Variants in SNX4 observed in about 807,000 individuals in gnomAD.
SNX4 encodes the protein sorting nexin 4.
SNX4 carries 49 observed loss-of-function variants against 70.8 expected under a neutral mutation model. The ratio of observed to expected loss-of-function variants is 0.69; its 90% CI spans 0.55 to 0.88. SNX4 has a LOEUF of 0.88. Ranked by LOEUF, SNX4 falls within the 40% of genes least tolerant of loss-of-function variation. The pLI is 0.00. For missense variants in SNX4, 528 were observed against 544.8 expected (o/e 0.97, Z 0.31); for synonymous variants, 206 against 183.8 (o/e 1.12, Z -0.98).
intron 1 of SNX4, among the ~76,000 whole-genome samples, chr3:125,514,264 T>TAG (rs1430320316): frequency 2.0e-5 from 3 of 152,096 alleles, no homozygotes; most frequent in African/African-American, 7.2e-5. Flanking sequence ...ACTTTTAAAA[T>TAG]AACAGCAGAG....
At chr3:125,447,909 T>G in intron 13 of SNX4, 83 bp from the exon 14 acceptor site, 3 of 819,750 alleles carry the variant, frequency 3.7e-6, no homozygotes, top group Non-Finnish European at 5.8e-6. Context: ...GTACACTAAG[T>G]TTTGCTTTTT....
intron 6 of SNX4, among the ~76,000 whole-genome samples, chr3:125,482,420 G>A (rs73199106): frequency 0.038 from 5,783 of 152,088 alleles, 213 homozygotes; most frequent in East Asian, 0.12. Flanking sequence ...TAATTGCCCA[G>A]TCTGTTGATT....
intron 8 of SNX4, among the ~76,000 whole-genome samples, chr3:125,474,993 G>A (rs1277302843): frequency 6.6e-6 from 1 of 152,078 alleles, no homozygotes; most frequent in African/African-American, 2.4e-5. Flanking sequence ...GACAGTATGA[G>A]GTAGACTTCA....
chr3:125,516,008 C>T (rs1450615914), intron 1 of SNX4, among the ~76,000 whole-genome samples: 1 of 152,194 alleles, frequency 6.6e-6, no homozygotes, highest in Non-Finnish European at 1.5e-5. Context: ...TCAAACCTTA[C>T]CGACAATCTG....
chr3:125,457,372 ATGAAAAAATGTGCTGCCAT>A lies in SNX4; in HGVS notation c.945-26_945-8del. ...ATGTTTCCTGCACACAGCCCTACAG[ATGAAAAAATGTGCTGCCAT>A]TTAACTTTTCCTTTAACATGTCAAA... On this transcript the variant is annotated splice_region_variant and splice_polypyrimidine_tract_variant and intron_variant, in intron 10 of 13. Coordinates refer to ENST00000251775, the MANE Select transcript of SNX4 (RefSeq NM_003794.4). 1 of 1,604,380 alleles carries A rather than the reference ATGAAAAAATGTGCTGCCAT, an allele frequency of 6.2e-7. No homozygotes were observed.
chr3:125,515,931 TG>T (rs1935269926), intron 1 of SNX4, among the ~76,000 whole-genome samples: 1 of 152,160 alleles, frequency 6.6e-6, no homozygotes. Context: ...GCTAAAGTGA[TG>T]AATTCTGTAA....
intron 5 of SNX4, among the ~76,000 whole-genome samples, chr3:125,494,183 T>A (rs1031307735): frequency 1.3e-5 from 2 of 152,182 alleles, no homozygotes; most frequent in African/African-American, 4.8e-5. Flanking sequence ...AAGATATGAC[T>A]ATTTGGTCTC....
At chr3:125,497,418 T>C in intron 4 of SNX4, 30 bp from the exon 5 acceptor site, 1 of 1,356,264 alleles carries the variant, frequency 7.4e-7, no homozygotes, top group South Asian at 1.2e-5. Flanking sequence ...TTAGAAATCA[T>C]TATTGCAAAG....
intron 2 of SNX4, among the ~76,000 whole-genome samples, chr3:125,502,769 A>C (rs1028711431): frequency 2.0e-5 from 3 of 147,064 alleles, no homozygotes; most frequent in Non-Finnish European, 3.0e-5. Context: ...CAGGTGAATC[A>C]CTTGAACTCG....
At chr3:125,499,396 T>C (rs1308377737) in intron 2 of SNX4, among the ~76,000 whole-genome samples, 1 of 152,200 alleles carries the variant, frequency 6.6e-6, no homozygotes, top group South Asian at 2.1e-4. Flanking sequence ...AGTATTTACA[T>C]CATGCCATGC....
intron 8 of SNX4, among the ~76,000 whole-genome samples, chr3:125,473,099 G>A (rs1934214738): frequency 6.6e-6 from 1 of 152,128 alleles, no homozygotes; most frequent in Non-Finnish European, 1.5e-5. Flanking sequence ...ACTGGATGGT[G>A]TGAAGATTTC....
chr3:125,462,387 C>T (rs960257274), intron 9 of SNX4, among the ~76,000 whole-genome samples: 1 of 151,796 alleles, frequency 6.6e-6, no homozygotes, highest in Admixed American at 6.6e-5. Context: ...CCCAGGAGTT[C>T]GAGACCAGCC....
At chr3:125,502,592 C>T (rs975498049) in intron 2 of SNX4, among the ~76,000 whole-genome samples, 6 of 151,682 alleles carry the variant, frequency 4.0e-5, no homozygotes, top group African/African-American at 7.3e-5. Flanking sequence ...TAACATTGGC[C>T]GGATGCGGTG....
chr3:125,479,127 TAC>T (rs1028938556), intron 7 of SNX4, among the ~76,000 whole-genome samples: 1 of 152,156 alleles, frequency 6.6e-6, no homozygotes, highest in Non-Finnish European at 1.5e-5. Flanking sequence ...CAGAAGGATA[TAC>T]CTCCATTTCT....
At chr3:125,451,951 G>T (rs1933584981) in intron 12 of SNX4, among the ~76,000 whole-genome samples, 1 of 152,072 alleles carries the variant, frequency 6.6e-6, no homozygotes, top group Admixed American at 6.6e-5. Context: ...TTGCCACAAG[G>T]ATTCTACCTT....
chr3:125,494,095 T>G (rs1934727677), intron 5 of SNX4, among the ~76,000 whole-genome samples: 1 of 151,410 alleles, frequency 6.6e-6, no homozygotes, highest in African/African-American at 2.4e-5. Context: ...AAAATATGTC[T>G]GAGAAAAGGA....
intron 6 of SNX4, among the ~76,000 whole-genome samples, chr3:125,482,415 G>C (rs184520876): frequency 6.6e-5 from 10 of 151,950 alleles, no homozygotes; most frequent in Admixed American, 5.9e-4. Flanking sequence ...TCCACTAATT[G>C]CCCAGTCTGT....
intron 11 of SNX4, 100 bp from the exon 12 acceptor site, chr3:125,454,055 A>G: frequency 1.1e-6 from 1 of 944,962 alleles, no homozygotes; most frequent in Non-Finnish European, 1.6e-6. Context: ...ATCAAATCTG[A>G]TATATGCTAC....
chr3:125,468,306 G>C (rs907854769), intron 9 of SNX4, among the ~76,000 whole-genome samples: 1 of 152,142 alleles, frequency 6.6e-6, no homozygotes, highest in East Asian at 1.9e-4. Context: ...AAGCTTACTG[G>C]GTGATGAAAT....
Sources: allele counts gnomAD v4.1 joint callset (sites outside exome capture counted in the v4.1 genomes callset), GRCh38; gene constraint gnomAD v4.1.1; transcripts MANE v1.5; gene names NCBI Gene and HGNC (gene_info 2026-07-23, HGNC 2026-07-21).